Variants in RAP1GDS1 observed in about 807,000 individuals in gnomAD.
The protein encoded by RAP1GDS1 is RAP1, GTP-GDP dissociation stimulator 1.
A neutral mutation model predicts 71.1 loss-of-function variants in RAP1GDS1; 35 were observed. The observed-to-expected ratio is 0.49, with a 90% CI of 0.38 to 0.65. The LOEUF (loss-of-function observed/expected upper bound fraction) is 0.65, where lower values mean the gene tolerates loss of function less well. Among genes scored for constraint, RAP1GDS1 ranks in the 30% least tolerant of loss-of-function variants. The pLI is 0.00. For missense variants in RAP1GDS1, 663 were observed against 706.1 expected, an observed-to-expected ratio of 0.94 and a Z score of 0.69; for synonymous variants, 229 against 243.1, an observed-to-expected ratio of 0.94 and a Z score of 0.54.
intron 2 of RAP1GDS1, among the ~76,000 whole-genome samples, chr4:98,319,722 A>G (rs1731492238): frequency 6.7e-6 from 1 of 150,350 alleles, no homozygotes; most frequent in Admixed American, 6.7e-5. Context: ...CGAAGGTTTC[A>G]GTGAGCCAAA....
chr4:98,321,836 C>A (rs1214824), intron 2 of RAP1GDS1, among the ~76,000 whole-genome samples: 113 of 122,740 alleles, frequency 9.2e-4, no homozygotes, highest in Non-Finnish European at 1.6e-3. Flanking sequence ...TAAAGACCAT[C>A]GAGACTAGGA....
At chr4:98,434,851 C>G (rs949690955) in intron 13 of RAP1GDS1, among the ~76,000 whole-genome samples, 5 of 152,054 alleles carry the variant, frequency 3.3e-5, no homozygotes, top group South Asian at 2.1e-4. Flanking sequence ...GAACTCCTGA[C>G]CTCAAGTGAT....
chr4:98,328,016 A>G (rs1733397279), intron 2 of RAP1GDS1, among the ~76,000 whole-genome samples: 1 of 152,244 alleles, frequency 6.6e-6, no homozygotes, highest in Admixed American at 6.5e-5. Context: ...CCCAGTTTGC[A>G]TAATGGTTTT....
intron 4 of RAP1GDS1, among the ~76,000 whole-genome samples, chr4:98,369,208 G>C (rs902095188): frequency 1.3e-5 from 2 of 152,130 alleles, no homozygotes; most frequent in African/African-American, 4.8e-5. Flanking sequence ...ATGACACGTG[G>C]GGATTGTGGG....
At position 98,379,089 on chromosome 4, in the gene RAP1GDS1, G is replaced by T; in HGVS notation, c.434G>T (p.Ser145Ile). 6.2e-7 allele frequency: 1 copy of T among 1,611,034 alleles called. No individual in the cohort carries two copies. The highest frequency in any genetic ancestry group is 1.1e-5 in the South Asian group (1 of 90,742). The change falls in exon 5 of 15, where the codon AGT (serine) becomes ATT (isoleucine). Residue 145 changes from serine to isoleucine, a missense_variant. By Grantham distance (142) the Ser-to-Ile change is moderately radical (BLOSUM62 -2). Transcript: ENST00000408927. ...ATTGACCATTTAAGGTCACTGTGCA[G>T]TATAACAGATCCCGCCAATGAGAAG... ...IVIDHLRSLC[S>I]ITDPANEKLL...
chr4:98,351,948 A>G (rs1451156948), intron 3 of RAP1GDS1, among the ~76,000 whole-genome samples: 4 of 151,718 alleles, frequency 2.6e-5, no homozygotes, highest in Non-Finnish European at 4.4e-5. Flanking sequence ...TTACCAATCA[A>G]AAAGGACATA....
chr4:98,279,337 A>T (rs948618330), intron 1 of RAP1GDS1, among the ~76,000 whole-genome samples: 23 of 152,042 alleles, frequency 1.5e-4, no homozygotes, highest in Non-Finnish European at 3.2e-4. Flanking sequence ...AACATTTAAA[A>T]TAACTATATG....
chr4:98,408,150 C>G (rs1746435996), intron 7 of RAP1GDS1, among the ~76,000 whole-genome samples: 1 of 151,664 alleles, frequency 6.6e-6, no homozygotes, highest in Non-Finnish European at 1.5e-5. Context: ...ACTCTGTCAC[C>G]CAGGCTGGAG....
At chr4:98,320,979 C>T (rs377670030) in intron 2 of RAP1GDS1, among the ~76,000 whole-genome samples, 3,725 of 123,626 alleles carry the variant, frequency 0.03, 39 homozygotes, top group Middle Eastern at 0.099. Context: ...CTCTGAGCTA[C>T]GGGAGGACAT....
chr4:98,266,721 A>G (rs1019203582), intron 1 of RAP1GDS1, among the ~76,000 whole-genome samples: 1 of 152,092 alleles, frequency 6.6e-6, no homozygotes, highest in Non-Finnish European at 1.5e-5. Flanking sequence ...CATATGGGAG[A>G]AAGGTTGAAT....
chr4:98,355,495 A>T (rs1391460634), intron 4 of RAP1GDS1, among the ~76,000 whole-genome samples: 1 of 152,214 alleles, frequency 6.6e-6, no homozygotes, highest in African/African-American at 2.4e-5. Context: ...AGTAGTATAA[A>T]GACTTCACTA....
At chr4:98,385,216 A>G (rs775472722) in intron 5 of RAP1GDS1, among the ~76,000 whole-genome samples, 3 of 151,836 alleles carry the variant, frequency 2.0e-5, no homozygotes, top group African/African-American at 2.4e-5. Flanking sequence ...TTCAACATAT[A>G]AAGCATATAG....
chr4:98,368,448 G>C (rs1739857536), intron 4 of RAP1GDS1, among the ~76,000 whole-genome samples: 1 of 152,088 alleles, frequency 6.6e-6, no homozygotes, highest in Non-Finnish European at 1.5e-5. Context: ...AGATATGCCA[G>C]ATTATTTGTT....
rs931618571 is a variant in RAP1GDS1 at position 98,293,315 on chromosome 4, C to G, written c.5-93C>G. On this transcript the variant is annotated intron_variant, in intron 1 of 14. Transcript: ENST00000408927. Reference sequence around the variant, plus strand: ...GAGGTTAATTTGCTATTATAGGAAGCTCTCCAGTTTAGTGGTAACTGTTTA... The same window carrying G: ...GAGGTTAATTTGCTATTATAGGAAGGTCTCCAGTTTAGTGGTAACTGTTTA... 3.8e-6 allele frequency: 3 copies of G among 782,504 alleles called. No homozygotes were observed. The Admixed American group carries it at 8.7e-5, about 23-fold the overall frequency. 48.5% of individuals were successfully genotyped at this position (782,504 alleles called of 1,614,324 possible).
intron 2 of RAP1GDS1, among the ~76,000 whole-genome samples, chr4:98,338,116 T>C (rs559115305): frequency 6.6e-6 from 1 of 152,178 alleles, no homozygotes; most frequent in African/African-American, 2.4e-5. Flanking sequence ...AGGAAAAAGA[T>C]AGATGCAAAA....
chr4:98,271,974 C>T (rs1224277562), intron 1 of RAP1GDS1, among the ~76,000 whole-genome samples: 2 of 152,064 alleles, frequency 1.3e-5, no homozygotes, highest in African/African-American at 4.8e-5. Context: ...AAATACTGGG[C>T]CCACCTTCAG....
intron 12 of RAP1GDS1, among the ~76,000 whole-genome samples, chr4:98,421,919 T>C (rs7669559): frequency 0.94 from 142,397 of 152,136 alleles, 66,779 homozygotes; most frequent in East Asian, 1. Context: ...GTTTTCTTGT[T>C]GGGCGTGGTG....
intron 2 of RAP1GDS1, among the ~76,000 whole-genome samples, chr4:98,334,436 T>G (rs994736337): frequency 1.3e-5 from 2 of 152,222 alleles, no homozygotes; most frequent in African/African-American, 4.8e-5. Context: ...AATTTCTAAG[T>G]GGCATTGAAT....
intron 1 of RAP1GDS1, among the ~76,000 whole-genome samples, chr4:98,266,611 T>G (rs935588516): frequency 3.3e-5 from 5 of 152,198 alleles, no homozygotes; most frequent in Non-Finnish European, 5.9e-5. Context: ...AGCTGGTAAT[T>G]ACTAAAATTT....
Sources: allele counts gnomAD v4.1 joint callset (sites outside exome capture counted in the v4.1 genomes callset), GRCh38; gene constraint gnomAD v4.1.1; transcripts MANE v1.5; gene names NCBI Gene and HGNC (gene_info 2026-07-23, HGNC 2026-07-21).